DAO: variants seen among roughly 807,000 people sequenced by gnomAD.
The protein encoded by DAO is D-amino-acid oxidase.
In DAO, 51 loss-of-function variants were observed where a neutral mutation model predicts 50.1. The observed-to-expected ratio is 1.02, with a 90% CI of 0.81 to 1.29. DAO has a LOEUF of 1.29. DAO is among the 50% of genes most tolerant of loss of function. The pLI is 0.00. For synonymous variants in DAO, 160 were observed against 166.2 expected (o/e 0.96, Z 0.29); for missense variants, 436 against 439.4 (o/e 0.99, Z 0.07).
rs2039613770 is a variant in DAO at position 108,900,723 on chromosome 12, T to C, written c.*188T>C. On this transcript the variant is annotated 3_prime_UTR_variant, in exon 11 of 11. Transcript: ENST00000228476. Reference sequence around the variant, plus strand: ...CCCAACATGGGGCCCCTCTCATCACTGAAATCCCTCTACCTTCTCTGGGTC... The same window carrying C: ...CCCAACATGGGGCCCCTCTCATCACCGAAATCCCTCTACCTTCTCTGGGTC... The C allele has an allele frequency of 3.2e-6, 2 of 620,948 alleles. No homozygotes were observed. The highest frequency in any genetic ancestry group is 6.5e-5 in the East Asian group (2 of 30,926). 38.5% of individuals were successfully genotyped at this position (620,948 alleles called of 1,614,324 possible).
At chr12:108,888,159 A>G (rs1311863495) in intron 3 of DAO, among the ~76,000 whole-genome samples, 1 of 152,308 alleles carries the variant, frequency 6.6e-6, no homozygotes, top group Non-Finnish European at 1.5e-5. Flanking sequence ...CTGTGACTCC[A>G]TGGTGTCCAG....
chr12:108,898,914 G>C, intron 9 of DAO, 118 bp downstream of exon 9: 1 of 737,420 alleles, frequency 1.4e-6, no homozygotes. Context: ...ATTCCAGCAA[G>C]GGATGTGGAA....
At chr12:108,895,537 G>A (rs565532434) in intron 7 of DAO, among the ~76,000 whole-genome samples, 7 of 140,644 alleles carry the variant, frequency 5.0e-5, no homozygotes, top group African/African-American at 1.6e-4. Flanking sequence ...ACCATGTGAG[G>A]GTATGTGTGT....
In DAO at chr12:108,885,154, G is replaced by T; in HGVS notation, c.148G>T (p.Gly50Cys). 6.2e-7 allele frequency: 1 copy of T among 1,613,386 alleles called. No individual in the cohort carries two copies. The highest frequency in any genetic ancestry group is 1.1e-5 in the South Asian group (1 of 91,074). The change falls in exon 2 of 11, where the codon GGC becomes TGC. Residue 50 changes from glycine (G) to cysteine (C), a missense_variant. Coordinates refer to ENST00000228476, the MANE Select transcript of DAO (RefSeq NM_001917.5). ...TPLTTTDVAA[G>C]LWQPYLSDPN... ...ACTCACCACCACCGACGTGGCTGCC[G>T]GCCTCTGGCAGCCCTACCTTTCTGA...
chr12:108,890,128 C>A, intron 4 of DAO, 80 bp from the exon 5 acceptor site: 1 of 1,208,214 alleles, frequency 8.3e-7, no homozygotes, highest in Non-Finnish European at 1.2e-6. Flanking sequence ...AACAACATTG[C>A]TCCCACCTCC....
intron 10 of DAO, 74 bp from the exon 11 acceptor site, chr12:108,900,330 A>G: frequency 6.3e-7 from 1 of 1,575,100 alleles, no homozygotes; most frequent in Non-Finnish European, 8.7e-7. Context: ...TGAGTCTTCC[A>G]GGGCAGAAGA....
chr12:108,884,524 C>A (rs946186456), intron 1 of DAO, among the ~76,000 whole-genome samples: 26 of 152,194 alleles, frequency 1.7e-4, no homozygotes, highest in African/African-American at 6.3e-4. Flanking sequence ...AAATTTGTTA[C>A]GTTTGGCATC....
At chr12:108,898,441 A>C (rs1321989944) in intron 8 of DAO, 2 of 520,086 alleles carry the variant, frequency 3.8e-6, no homozygotes, top group Non-Finnish European at 7.1e-6. Context: ...TGATGAATGC[A>C]GTTGGTGGTG....
rs1282880004 is a variant in DAO at position 108,880,689 on chromosome 12, C to T, written c.-10+465C>T. Among the ~76,000 whole-genome samples, 3 of 151,340 alleles carry T rather than the reference C, an allele frequency of 2.0e-5. 1 individual carries two copies. The Admixed American group carries it at 2.0e-4, about 10-fold the overall frequency. On this transcript the variant is annotated intron_variant, in intron 1 of 10. Transcript: ENST00000228476. ...CCAGGGAGAACTAATTATGTTCATT[C>T]AAATGCCTCATCTCTGGCTTACTGA...
rs1358790899 is a variant in DAO, at chr12:108,898,680, AC to A, written c.700del (p.Gln234ArgfsTer17). The A allele has an allele frequency of 6.2e-7, 1 of 1,602,910 alleles. No individual in the cohort carries two copies. Among genetic ancestry groups the A allele is most frequent in the Non-Finnish European group, 8.5e-7 (1 of 1,170,054 alleles). On this transcript the variant is annotated frameshift_variant and splice_region_variant, in exon 9 of 11. Transcript: ENST00000228476. LOFTEE classifies it high-confidence loss of function. ...IYNSPYIIPG[T>X]QTVTLGGIFQ... The stretch of plus-strand genomic sequence containing the variant: ...TTGACCCTCCTCATTTGTATCTAGG[AC>A]CCAGACAGTTACTCTTGGAGGCATC...
At chr12:108,891,053 C>T (rs537907655) in intron 5 of DAO, among the ~76,000 whole-genome samples, 4 of 152,198 alleles carry the variant, frequency 2.6e-5, no homozygotes, top group Non-Finnish European at 5.9e-5. Flanking sequence ...AATCTCCTGA[C>T]CTCGTAATCT....
At position 108,898,384 on chromosome 12, in the gene DAO, T is replaced by C. The variant is rs550002796; in HGVS notation, c.696-295T>C. 45 of 411,840 alleles carry C rather than the reference T, an allele frequency of 1.1e-4. No homozygotes were observed. In the East Asian group the frequency reaches 2.3e-3, roughly 21 times the overall value. 25.5% of individuals were successfully genotyped at this position (411,840 alleles called of 1,614,324 possible). ...TATCTCAATGGCGATGTTACTGGTG[T>C]CGTGGAGATGACAATATCAATGGCA... is the stretch of plus-strand genomic sequence containing the variant. On this transcript the variant is annotated intron_variant, in intron 8 of 10. Coordinates refer to ENST00000228476, the MANE Select transcript of DAO (RefSeq NM_001917.5).
At chr12:108,899,661 C>A in intron 10 of DAO, 186 bp downstream of exon 10, 2 of 654,876 alleles carry the variant, frequency 3.1e-6, no homozygotes, top group Middle Eastern at 4.0e-4. Context: ...TAAGGACCTG[C>A]TCAAGGTTAC....
intron 5 of DAO, 39 bp from the exon 6 acceptor site, chr12:108,892,943 G>T: frequency 6.2e-7 from 1 of 1,601,976 alleles, no homozygotes; most frequent in Non-Finnish European, 8.6e-7. Flanking sequence ...GGGGCAGATA[G>T]CTGAATACTG....
At chr12:108,881,293 C>A (rs1484682880) in intron 1 of DAO, among the ~76,000 whole-genome samples, 1 of 151,340 alleles carries the variant, frequency 6.6e-6, no homozygotes, top group Non-Finnish European at 1.5e-5. Flanking sequence ...AACGGCAACA[C>A]TAATAAAAAC....
intron 2 of DAO, among the ~76,000 whole-genome samples, chr12:108,885,516 A>G (rs941066715): frequency 2.0e-5 from 3 of 152,112 alleles, no homozygotes; most frequent in Admixed American, 2.0e-4. Context: ...AGGCTGAGGC[A>G]GGAAAACCAT....
At chr12:108,881,750 G>A (rs1255213391) in intron 1 of DAO, among the ~76,000 whole-genome samples, 5 of 151,472 alleles carry the variant, frequency 3.3e-5, no homozygotes, top group South Asian at 2.1e-4. Flanking sequence ...AATTTCAGGC[G>A]TGCACCACCA....
At chr12:108,895,267 ATGTG>A (rs377729036) in intron 7 of DAO, among the ~76,000 whole-genome samples, 2 of 144,336 alleles carry the variant, frequency 1.4e-5, no homozygotes, top group African/African-American at 2.6e-5. Context: ...GTGTGCATGT[ATGTG>A]TGTGTGTGTA....
intron 3 of DAO, 103 bp from the exon 4 acceptor site, chr12:108,889,366 T>G: frequency 1.3e-6 from 1 of 756,462 alleles, no homozygotes; most frequent in Non-Finnish European, 2.3e-6. Flanking sequence ...CATCTCAGCT[T>G]CCCAAAGTGC....
Sources: gnomAD v4.1 joint callset for allele counts (sites outside exome capture counted in the v4.1 genomes callset) on GRCh38, gnomAD v4.1.1 for gene constraint, MANE v1.5 for transcripts, NCBI Gene and HGNC (gene_info 2026-07-23, HGNC 2026-07-21) for gene names.